Variants in TRERF1 observed in about 807,000 individuals in gnomAD.
TRERF1 encodes transcriptional regulating factor 1, also known as transcriptional-regulating factor 1.
TRERF1 carries 27 observed loss-of-function variants against 122.9 expected under a neutral mutation model. The ratio of observed to expected loss-of-function variants is 0.22; its 90% CI spans 0.16 to 0.30. The LOEUF (loss-of-function observed/expected upper bound fraction) is 0.30. TRERF1 is among the 10% of genes least tolerant of loss of function. The pLI is 1.00. For synonymous variants in TRERF1, 636 were observed against 641.7 expected, an observed-to-expected ratio of 0.99 and a Z score of 0.13; for missense variants, 1,248 against 1,560.3, an observed-to-expected ratio of 0.80 and a Z score of 3.37.
chr6:42,369,485 A>G (rs1160907901), intron 2 of TRERF1, among the ~76,000 whole-genome samples: 1 of 152,086 alleles, frequency 6.6e-6, no homozygotes, highest in Non-Finnish European at 1.5e-5. Context: ...AGGAGTCCAA[A>G]ACTGCATAGT....
At position 42,445,353 on chromosome 6, in the gene TRERF1, GACACAC is replaced by G. The variant is rs57862861; in HGVS notation, c.-454+5818_-454+5823del. On this transcript the variant is annotated intron_variant, in intron 2 of 17. Transcript: ENST00000372922. The stretch of plus-strand genomic sequence containing the variant: ...AGCCTCAGGAAACACTACACACACA[GACACAC>G]ACACACACACACACACACACACACA... 5.4e-3 allele frequency among the ~76,000 whole-genome samples: 471 copies of G among 86,722 alleles called. 1 individual carries two copies. The highest frequency in any genetic ancestry group is 0.028 in the Middle Eastern group (4 of 144). 56.9% of individuals were successfully genotyped at this position (86,722 alleles called of 152,430 possible).
intron 2 of TRERF1, among the ~76,000 whole-genome samples, chr6:42,405,936 C>G (rs946473162): frequency 1.3e-5 from 2 of 152,172 alleles, no homozygotes; most frequent in East Asian, 1.9e-4. Flanking sequence ...ACCCACCATG[C>G]AACAAAGCCC....
intron 3 of TRERF1, among the ~76,000 whole-genome samples, chr6:42,301,756 A>T (rs1786247745): frequency 6.6e-6 from 1 of 152,248 alleles, no homozygotes; most frequent in South Asian, 2.1e-4. Context: ...GAGTTTGCAG[A>T]GAGCACCACT....
chr6:42,242,356 C>A (rs929793387), intron 15 of TRERF1, among the ~76,000 whole-genome samples: 1 of 151,726 alleles, frequency 6.6e-6, no homozygotes, highest in African/African-American at 2.4e-5. Context: ...CATGTGCTAA[C>A]CCTTACAACT....
At chr6:42,337,621 A>T (rs958153524) in intron 3 of TRERF1, among the ~76,000 whole-genome samples, 3 of 152,156 alleles carry the variant, frequency 2.0e-5, no homozygotes, top group African/African-American at 7.2e-5. Flanking sequence ...TGATATCAAC[A>T]GTGGGCATCA....
At chr6:42,279,213 G>A (rs1378182983) in intron 4 of TRERF1, among the ~76,000 whole-genome samples, 1 of 152,164 alleles carries the variant, frequency 6.6e-6, no homozygotes, top group African/African-American at 2.4e-5. Context: ...CCTTGCTGTG[G>A]GGGACTCCGG....
At chr6:42,396,024 A>G (rs1013486391) in intron 2 of TRERF1, among the ~76,000 whole-genome samples, 19 of 152,240 alleles carry the variant, frequency 1.2e-4, no homozygotes, top group African/African-American at 4.6e-4. Context: ...GTATGTGTGC[A>G]CACACACACA....
At chr6:42,430,973 T>C (rs910303968) in intron 2 of TRERF1, among the ~76,000 whole-genome samples, 3 of 146,510 alleles carry the variant, frequency 2.0e-5, no homozygotes, top group Admixed American at 6.9e-5. Flanking sequence ...GGCAGGAGAA[T>C]GGCTTGAACC....
chr6:42,293,321 G>T (rs951518233), intron 4 of TRERF1, among the ~76,000 whole-genome samples: 1 of 152,194 alleles, frequency 6.6e-6, no homozygotes, highest in African/African-American at 2.4e-5. Context: ...GGAAGAGAGA[G>T]TTCCAAAGGA....
rs920693986 is a variant in TRERF1 at position 42,274,966 on chromosome 6, T to C, written c.-258-5118A>G. ...AGTCTCCCTCCACCTTCCACCCCCA[T>C]CCCCAGCCACCCAGTACCCCTTCTG... On this transcript the variant is annotated intron_variant, in intron 4 of 17. Coordinates refer to ENST00000372922, the Ensembl canonical transcript of TRERF1. Among the ~76,000 whole-genome samples the C allele has an allele frequency of 2.6e-5, 4 of 151,886 alleles. No homozygotes were observed. In the South Asian group the frequency reaches 8.4e-4, roughly 32 times the overall value.
intron 2 of TRERF1, among the ~76,000 whole-genome samples, chr6:42,390,853 T>C (rs950198512): frequency 2.0e-5 from 3 of 152,106 alleles, no homozygotes; most frequent in Non-Finnish European, 4.4e-5. Context: ...AAAAAACACT[T>C]GACACCCACA....
chr6:42,451,518 C>A (rs1005308070), intron 1 of TRERF1, among the ~76,000 whole-genome samples, 156 bp downstream of exon 1: 2 of 151,908 alleles, frequency 1.3e-5, no homozygotes, highest in Non-Finnish European at 2.9e-5. Flanking sequence ...AAGAAACTTA[C>A]TCGGTCCGTC....
At chr6:42,274,962 C>A (rs2149974567) in intron 4 of TRERF1, among the ~76,000 whole-genome samples, 1 of 152,300 alleles carries the variant, frequency 6.6e-6, no homozygotes, top group South Asian at 2.1e-4. Flanking sequence ...ACCTTCCACC[C>A]CCATCCCCAG....
chr6:42,446,995 A>G (rs1301096205), intron 2 of TRERF1, among the ~76,000 whole-genome samples: 8 of 152,328 alleles, frequency 5.3e-5, no homozygotes, highest in Non-Finnish European at 8.8e-5. Flanking sequence ...AGAGAGCAAG[A>G]TGCTGTCTCA....
At chr6:42,289,667 T>C (rs901681628) in intron 4 of TRERF1, among the ~76,000 whole-genome samples, 2 of 152,218 alleles carry the variant, frequency 1.3e-5, no homozygotes, top group African/African-American at 2.4e-5. Context: ...GGAAAGTCAG[T>C]GTTCCCATAT....
intron 3 of TRERF1, among the ~76,000 whole-genome samples, chr6:42,324,522 C>T (rs879336231): frequency 6.6e-6 from 1 of 152,120 alleles, no homozygotes; most frequent in Non-Finnish European, 1.5e-5. Context: ...GCTATAGTAA[C>T]CAAAACAATG....
At chr6:42,302,116 C>A (rs539283649) in intron 3 of TRERF1, among the ~76,000 whole-genome samples, 1 of 152,312 alleles carries the variant, frequency 6.6e-6, no homozygotes, top group African/African-American at 2.4e-5. Flanking sequence ...GCCTGAAGCT[C>A]CCTCCCTGAA....
intron 4 of TRERF1, among the ~76,000 whole-genome samples, chr6:42,278,180 G>A (rs1024453629): frequency 6.6e-6 from 1 of 152,174 alleles, no homozygotes; most frequent in Non-Finnish European, 1.5e-5. Flanking sequence ...AAAATTCAGG[G>A]TTCTGGATCC....
chr6:42,269,621 A>G lies in TRERF1; in HGVS notation c.-31T>C, dbSNP rs774749683. On this transcript the variant is annotated 5_prime_UTR_variant, in exon 5 of 18. Transcript: ENST00000372922. This position sits in a 1 kb window ranked among gnomAD's most constrained non-coding sequence, Gnocchi z 4.9. ...CTGCCTTGGTTGTGAACGTCCAGCC[A>G]CAAAACCATAAAAAAGGTAAATAAA... 6.3e-7 allele frequency: 1 copy of G among 1,598,446 alleles called. No homozygotes were observed. Among genetic ancestry groups the G allele is most frequent in the Non-Finnish European group, 8.5e-7 (1 of 1,170,988 alleles).
Sources: allele counts gnomAD v4.1 joint callset (sites outside exome capture counted in the v4.1 genomes callset), GRCh38; gene constraint gnomAD v4.1.1; non-coding constraint Gnocchi (gnomAD v3.1); transcripts MANE v1.5; gene names NCBI Gene and HGNC (gene_info 2026-07-23, HGNC 2026-07-21).